ZMYND11: variants seen among roughly 807,000 people sequenced by gnomAD.
The protein encoded by ZMYND11 is zinc finger MYND-type containing 11, also known as zinc finger MYND domain-containing protein 11.
In ZMYND11, 9 loss-of-function variants were observed where a neutral mutation model predicts 84.9. That is an observed-to-expected ratio of 0.11 (90% CI 0.06 to 0.18). The LOEUF (loss-of-function observed/expected upper bound fraction) is 0.18, where lower values mean the gene tolerates loss of function less well. Among genes scored for constraint, ZMYND11 ranks in the 10% least tolerant of loss-of-function variants. ZMYND11 has a pLI of 1.00. For synonymous variants in ZMYND11, 250 were observed against 244.1 expected (o/e 1.02, Z -0.23); for missense variants, 409 against 761.0 (o/e 0.54, Z 5.44).
chr10:186,607 C>A, intron 2 of ZMYND11, among the ~76,000 whole-genome samples: 1 of 140,520 alleles, frequency 7.1e-6, no homozygotes, highest in African/African-American at 2.7e-5. Flanking sequence ...GATCGGGCCA[C>A]TGCACTCAGA....
chr10:170,063 C>T (rs1554765206), intron 1 of ZMYND11, among the ~76,000 whole-genome samples: 1 of 151,992 alleles, frequency 6.6e-6, no homozygotes, highest in African/African-American at 2.4e-5. Flanking sequence ...TAGAGGAGCA[C>T]AGTTAAGAAT....
intron 2 of ZMYND11, among the ~76,000 whole-genome samples, chr10:184,522 T>C (rs866384098): frequency 1.3e-5 from 2 of 152,224 alleles, no homozygotes; most frequent in African/African-American, 4.8e-5. Flanking sequence ...TGATTTTTTT[T>C]CCATTTACTT....
chr10:194,199 A>G (rs2130959329), intron 2 of ZMYND11, among the ~76,000 whole-genome samples: 1 of 145,800 alleles, frequency 6.9e-6, no homozygotes, highest in South Asian at 2.2e-4. Flanking sequence ...CATGTTGCCC[A>G]GGCTGGTCTC....
intron 1 of ZMYND11, among the ~76,000 whole-genome samples, chr10:154,460 A>T (rs1466319870): frequency 6.6e-6 from 1 of 152,182 alleles, no homozygotes; most frequent in Non-Finnish European, 1.5e-5. Flanking sequence ...GATGCCTGTT[A>T]TTACAGTATG....
intron 1 of ZMYND11, among the ~76,000 whole-genome samples, chr10:144,502 G>A (rs1433272499): frequency 6.6e-6 from 1 of 152,048 alleles, no homozygotes; most frequent in Non-Finnish European, 1.5e-5. Flanking sequence ...GATTACAGAT[G>A]TGAGCCACCT....
At chr10:145,577 A>G (rs557771308) in intron 1 of ZMYND11, among the ~76,000 whole-genome samples, 286 of 152,162 alleles carry the variant, frequency 1.9e-3, no homozygotes, top group Middle Eastern at 3.4e-3. Context: ...TGACTTTCTG[A>G]TAGTCACCAT....
chr10:243,216 T>C (rs1951402448), intron 10 of ZMYND11, among the ~76,000 whole-genome samples: 2 of 152,206 alleles, frequency 1.3e-5, no homozygotes, highest in Non-Finnish European at 2.9e-5. Flanking sequence ...TTGTAAGGTT[T>C]AAAGAAATGT....
intron 1 of ZMYND11, among the ~76,000 whole-genome samples, chr10:158,274 T>C (rs1488939810): frequency 6.6e-6 from 1 of 152,176 alleles, no homozygotes; most frequent in Non-Finnish European, 1.5e-5. Context: ...GGGAACTCCA[T>C]GTTTTCTTTT....
At chr10:221,813 TG>T (rs996477798) in intron 4 of ZMYND11, among the ~76,000 whole-genome samples, 2 of 152,128 alleles carry the variant, frequency 1.3e-5, no homozygotes, top group Admixed American at 6.5e-5. Flanking sequence ...ATCATGAGTT[TG>T]TTTTTTTTTG....
chr10:247,284 A>G, intron 11 of ZMYND11, 114 bp from the exon 12 acceptor site: 9 of 1,205,680 alleles, frequency 7.5e-6, no homozygotes, highest in South Asian at 1.4e-5. Flanking sequence ...GGATGGAAGG[A>G]TGCAAAAGGT....
intron 3 of ZMYND11, among the ~76,000 whole-genome samples, chr10:214,447 G>A (rs1945807698): frequency 6.6e-6 from 1 of 152,194 alleles, no homozygotes; most frequent in African/African-American, 2.4e-5. Flanking sequence ...TCTTAAGAAA[G>A]TAAATGCATA....
At chr10:229,739 T>G (rs1390215873) in intron 4 of ZMYND11, among the ~76,000 whole-genome samples, 1 of 152,204 alleles carries the variant, frequency 6.6e-6, no homozygotes, top group Non-Finnish European at 1.5e-5. Context: ...TACTTGAGTC[T>G]TAGTGGTTTG....
intron 4 of ZMYND11, among the ~76,000 whole-genome samples, chr10:230,748 C>G (rs1948893733): frequency 6.6e-6 from 1 of 152,166 alleles, no homozygotes; most frequent in Non-Finnish European, 1.5e-5. Context: ...TTGGGTATAA[C>G]TGCTTCACAT....
chr10:134,730 C>T (rs1405965503), upstream of ZMYND11: 1 of 152,698 alleles, frequency 6.5e-6, no homozygotes, highest in East Asian at 1.9e-4. Flanking sequence ...CGGCGCCTGA[C>T]AATGCCCCCT....
At chr10:132,311 A>G (rs1402377182), upstream of ZMYND11, among the ~76,000 whole-genome samples, 1 of 149,510 alleles carries the variant, frequency 6.7e-6, no homozygotes, top group East Asian at 1.9e-4. Flanking sequence ...ATATATATAT[A>G]TTTTATTGGT....
At chr10:170,001 A>T (rs1350379520) in intron 1 of ZMYND11, among the ~76,000 whole-genome samples, 2 of 152,108 alleles carry the variant, frequency 1.3e-5, no homozygotes, top group Non-Finnish European at 2.9e-5. Context: ...ACCATATTCA[A>T]ATGTCAGAAA....
At chr10:180,221 C>A in intron 2 of ZMYND11, 93 bp downstream of exon 2, 2 of 852,952 alleles carry the variant, frequency 2.3e-6, no homozygotes, top group Non-Finnish European at 3.7e-6. Context: ...TGCTAATCAA[C>A]ATATATTACA....
chr10:139,704 CTTTTTTT>C (rs67915368), intron 1 of ZMYND11, among the ~76,000 whole-genome samples: 5 of 80,238 alleles, frequency 6.2e-5, no homozygotes, highest in Non-Finnish European at 8.9e-5. Context: ...ACACATGGTC[CTTTTTTT>C]TTTTTTTTTT....
chr10:216,729 T>C (rs78157840), intron 3 of ZMYND11, among the ~76,000 whole-genome samples: 3,076 of 152,288 alleles, frequency 0.02, 101 homozygotes, highest in African/African-American at 0.07. Flanking sequence ...ATACTTTCCT[T>C]CTTATTCAAG....
Sources: gnomAD v4.1 joint callset for allele counts (sites outside exome capture counted in the v4.1 genomes callset) on GRCh38, gnomAD v4.1.1 for gene constraint, MANE v1.5 for transcripts, NCBI Gene and HGNC (gene_info 2026-07-23, HGNC 2026-07-21) for gene names.